Variants in PAPPA2 observed in about 807,000 individuals in gnomAD.
PAPPA2 encodes the protein pappalysin 2, also known as pappalysin-2.
PAPPA2 carries 86 observed loss-of-function variants against 176.4 expected under a neutral mutation model. The observed-to-expected ratio is 0.49, with a 90% CI of 0.41 to 0.58. The LOEUF (loss-of-function observed/expected upper bound fraction) is 0.58, where lower values mean the gene tolerates loss of function less well. Among genes scored for constraint, PAPPA2 ranks in the 20% least tolerant of loss-of-function variants. The pLI is 0.00. For synonymous variants in PAPPA2, 809 were observed against 852.2 expected (o/e 0.95, Z 0.88); for missense variants, 2,073 against 2,256.9 (o/e 0.92, Z 1.65).
chr1:176,565,096 A>T (rs240094), intron 2 of PAPPA2, among the ~76,000 whole-genome samples: 1 of 152,136 alleles, frequency 6.6e-6, no homozygotes, highest in East Asian at 1.9e-4. Context: ...CCATGTTGCA[A>T]CATGTATTGG....
At chr1:176,698,355 T>C (rs1204671177) in intron 7 of PAPPA2, among the ~76,000 whole-genome samples, 2 of 152,196 alleles carry the variant, frequency 1.3e-5, no homozygotes, top group Non-Finnish European at 2.9e-5. Flanking sequence ...CTGACTCTGC[T>C]AGTTCTCGAT....
At chr1:176,562,337 G>A (rs143209276) in intron 2 of PAPPA2, among the ~76,000 whole-genome samples, 1 of 152,306 alleles carries the variant, frequency 6.6e-6, no homozygotes, top group East Asian at 1.9e-4. Context: ...AGAATATGGA[G>A]CTTCATAGAA....
At chr1:176,781,139 G>T (rs572266349) in intron 17 of PAPPA2, among the ~76,000 whole-genome samples, 1 of 152,162 alleles carries the variant, frequency 6.6e-6, no homozygotes, top group African/African-American at 2.4e-5. Flanking sequence ...CATCAGCAAT[G>T]GAAAATGGAG....
intron 3 of PAPPA2, among the ~76,000 whole-genome samples, chr1:176,660,336 T>TTGTG (rs34294866): frequency 0.09 from 10,980 of 121,964 alleles, 1,283 homozygotes; most frequent in African/African-American, 0.3. Flanking sequence ...AATTGTTTGT[T>TTGTG]TGTGTGTGTG....
Position 176,658,531 on chromosome 1 carries a change from G to A in PAPPA2, c.1992-12439G>A, listed in dbSNP as rs567680282. ...TTAGACTTAATGACATAGGGATTCA[G>A]ATATAGGGGCTTATTTTAGGCTGGG... On this transcript the variant is annotated intron_variant, in intron 3 of 22. Coordinates refer to ENST00000367662, the MANE Select transcript of PAPPA2 (RefSeq NM_020318.3). Among the ~76,000 whole-genome samples the A allele has an allele frequency of 2.0e-5, 3 of 152,122 alleles. No individual in the cohort carries two copies. In the East Asian group the frequency reaches 5.8e-4, roughly 30 times the overall value.
chr1:176,734,602 G>A (rs544035001), intron 12 of PAPPA2, among the ~76,000 whole-genome samples: 42 of 152,134 alleles, frequency 2.8e-4, no homozygotes, highest in Non-Finnish European at 4.6e-4. Context: ...AACCATGGCA[G>A]CTCAGTGCCT....
At chr1:176,645,137 G>T (rs1317740764) in intron 3 of PAPPA2, among the ~76,000 whole-genome samples, 2 of 151,630 alleles carry the variant, frequency 1.3e-5, no homozygotes, top group Non-Finnish European at 2.9e-5. Flanking sequence ...ATATACAATA[G>T]GTTACTGTAA....
intron 3 of PAPPA2, among the ~76,000 whole-genome samples, chr1:176,627,755 T>G (rs190575929): frequency 6.8e-4 from 104 of 152,286 alleles, no homozygotes; most frequent in African/African-American, 2.4e-3. Context: ...ATAGGAAGGC[T>G]GTTTTTGGGT....
intron 17 of PAPPA2, among the ~76,000 whole-genome samples, chr1:176,782,186 C>T (rs1664749804): frequency 6.6e-6 from 1 of 152,086 alleles, no homozygotes; most frequent in Non-Finnish European, 1.5e-5. Flanking sequence ...ATTAGATAAC[C>T]CCAGGCAAGT....
At chr1:176,605,657 G>A (rs564606954) in intron 3 of PAPPA2, among the ~76,000 whole-genome samples, 65 of 152,250 alleles carry the variant, frequency 4.3e-4, no homozygotes, top group African/African-American at 1.6e-3. Context: ...TTCAAATTCT[G>A]AGGACAGTCA....
intron 1 of PAPPA2, among the ~76,000 whole-genome samples, chr1:176,545,611 G>T (rs182213697): frequency 2.0e-5 from 3 of 152,144 alleles, no homozygotes; most frequent in African/African-American, 7.2e-5. Flanking sequence ...GATGTGTGTA[G>T]GTTATATGCC....
intron 17 of PAPPA2, among the ~76,000 whole-genome samples, chr1:176,787,215 T>C (rs1664976181): frequency 6.6e-6 from 1 of 152,172 alleles, no homozygotes; most frequent in Non-Finnish European, 1.5e-5. Context: ...CAGACTATGA[T>C]GCTAAAAAAT....
rs1336194755 is a variant in PAPPA2 at position 176,769,787 on chromosome 1, A to G, written c.4501+3A>G. The stretch of plus-strand genomic sequence containing the variant: ...TGTCCCACCAGCCAAGCTGCAAGGT[A>G]TTGTCTGGTCAACCAGGAACTGTAT... On this transcript the variant is annotated splice_donor_region_variant and intron_variant, in intron 16 of 22. Transcript: ENST00000367662. The G allele has an allele frequency of 1.3e-6, 2 of 1,599,472 alleles. No individual in the cohort carries two copies. Among genetic ancestry groups the G allele is most frequent in the Non-Finnish European group, 1.7e-6 (2 of 1,174,418 alleles).
intron 1 of PAPPA2, among the ~76,000 whole-genome samples, chr1:176,483,960 G>A (rs575969777): frequency 6.6e-6 from 1 of 152,276 alleles, no homozygotes; most frequent in East Asian, 1.9e-4. Context: ...GGCCAAAACA[G>A]TGAAGTAAAC....
At chr1:176,780,364 T>C (rs774945287) in intron 17 of PAPPA2, among the ~76,000 whole-genome samples, 1 of 152,198 alleles carries the variant, frequency 6.6e-6, no homozygotes, top group Non-Finnish European at 1.5e-5. Context: ...GTGTTGCTCT[T>C]TTCTGCCAGA....
In PAPPA2 at chr1:176,471,258, G is replaced by T. The variant is rs539803507; in HGVS notation, c.-917+7840G>T. On this transcript the variant is annotated intron_variant, in intron 1 of 22. Coordinates refer to ENST00000367662, the MANE Select transcript of PAPPA2 (RefSeq NM_020318.3). ...CGGAAGGATGAGTAGCTCATGCAGG[G>T]TTCAGAGGGACTCCTTTCCCTCTAA... is the stretch of plus-strand genomic sequence containing the variant. 3.9e-5 allele frequency among the ~76,000 whole-genome samples: 6 copies of T among 152,222 alleles called. No individual in the cohort carries two copies. In the South Asian group the frequency reaches 1.0e-3, roughly 26 times the overall value.
At chr1:176,639,795 A>C (rs1369729197) in intron 3 of PAPPA2, among the ~76,000 whole-genome samples, 2 of 150,736 alleles carry the variant, frequency 1.3e-5, no homozygotes, top group Non-Finnish European at 3.0e-5. Flanking sequence ...GCTCACTGCA[A>C]CCTCCGGGAG....
At chr1:176,647,425 C>G (rs1233708046) in intron 3 of PAPPA2, among the ~76,000 whole-genome samples, 4 of 151,648 alleles carry the variant, frequency 2.6e-5, no homozygotes, top group Non-Finnish European at 5.9e-5. Context: ...GATATGATCT[C>G]ATTTGTCCAG....
intron 20 of PAPPA2, among the ~76,000 whole-genome samples, chr1:176,795,604 T>C (rs1327547496): frequency 1.3e-5 from 2 of 152,250 alleles, no homozygotes; most frequent in East Asian, 1.9e-4. Context: ...ATTGTTTGCA[T>C]GTAAATGAGT....
Sources: gnomAD v4.1 joint callset for allele counts (sites outside exome capture counted in the v4.1 genomes callset) on GRCh38, gnomAD v4.1.1 for gene constraint, MANE v1.5 for transcripts, NCBI Gene and HGNC (gene_info 2026-07-23, HGNC 2026-07-21) for gene names.